The following ETFA variants were observed in gnomAD, a reference collection of about 807,000 sequenced individuals.
The protein encoded by ETFA is electron transfer flavoprotein subunit alpha.
Under a neutral mutation model 46.2 loss-of-function variants are expected in ETFA, and 22 were observed. The ratio of observed to expected loss-of-function variants is 0.48; its 90% confidence interval spans 0.34 to 0.68. The LOEUF (loss-of-function observed/expected upper bound fraction) is 0.68. ETFA is among the 30% of genes least tolerant of loss of function. ETFA has a pLI of 0.01. For synonymous variants in ETFA, 131 were observed against 139.9 expected, an observed-to-expected ratio of 0.94 and a Z score of 0.45; for missense variants, 345 against 401.1, an observed-to-expected ratio of 0.86 and a Z score of 1.19.
At chr15:76,298,581 C>G (rs1329285182) in intron 1 of ETFA, among the ~76,000 whole-genome samples, 2 of 152,164 alleles carry the variant, frequency 1.3e-5, no homozygotes, top group East Asian at 1.9e-4. Flanking sequence ...TAGTATTACT[C>G]TGACTTCACA....
At chr15:76,232,909 C>T (rs554768688) in intron 9 of ETFA, among the ~76,000 whole-genome samples, 1 of 152,286 alleles carries the variant, frequency 6.6e-6, no homozygotes, top group East Asian at 1.9e-4. Context: ...CTGCAGTACT[C>T]CCTGATCTTT....
At chr15:76,232,608 T>C (rs896097440) in intron 9 of ETFA, among the ~76,000 whole-genome samples, 5 of 152,206 alleles carry the variant, frequency 3.3e-5, no homozygotes, top group Admixed American at 2.0e-4. Context: ...CATTTAACAA[T>C]TGCTCAATCC....
intron 9 of ETFA, among the ~76,000 whole-genome samples, chr15:76,257,275 G>A (rs577250873): frequency 6.6e-6 from 1 of 152,318 alleles, no homozygotes; most frequent in East Asian, 1.9e-4. Flanking sequence ...TAGAGGGGAA[G>A]TTGGCACTAA....
chr15:76,224,621 C>T (rs758353729), intron 11 of ETFA, among the ~76,000 whole-genome samples: 1 of 152,244 alleles, frequency 6.6e-6, no homozygotes, highest in Non-Finnish European at 1.5e-5. Flanking sequence ...GGCCAGTCCT[C>T]TTGCTGAGGG....
intron 4 of ETFA, among the ~76,000 whole-genome samples, chr15:76,288,920 C>CTTCTTTT (rs1225461781): frequency 1.3e-4 from 14 of 110,120 alleles, no homozygotes; most frequent in Admixed American, 2.3e-4. Context: ...TCTTCTTCTT[C>CTTCTTTT]TTTTTTTTTT....
chr15:76,265,627 C>A (rs1347942042), intron 9 of ETFA, among the ~76,000 whole-genome samples: 3 of 152,110 alleles, frequency 2.0e-5, no homozygotes, highest in Non-Finnish European at 2.9e-5. Context: ...TTTTTCAAGT[C>A]CCTTGATTTT....
At position 76,242,222 on chromosome 15, in the gene ETFA, G is replaced by C. The variant is rs147651356; in HGVS notation, c.817-10824C>G. On this transcript the variant is annotated intron_variant, in intron 9 of 11. Coordinates refer to ENST00000557943, the MANE Select transcript of ETFA (RefSeq NM_000126.4). ...ATACATTTCTACGTAGAATTTTGGA[G>C]TTGTAAGGAACCTTTGAAATTATCT... Among the ~76,000 whole-genome samples the C allele has an allele frequency of 9.2e-5, 14 of 152,256 alleles. No homozygotes were observed. In the East Asian group the frequency reaches 1.9e-3, roughly 21 times the overall value.
chr15:76,260,981 A>T, intron 9 of ETFA: 1 of 1,610,130 alleles, frequency 6.2e-7, no homozygotes, highest in Non-Finnish European at 8.5e-7. Flanking sequence ...TCCAGGCCAC[A>T]CTAGTGTTGC....
intron 9 of ETFA, among the ~76,000 whole-genome samples, chr15:76,265,806 CAGG>C (rs1323074428): frequency 1.3e-5 from 2 of 152,074 alleles, no homozygotes; most frequent in East Asian, 1.9e-4. Context: ...GGATATTGCT[CAGG>C]AGAAGGACTA....
chr15:76,303,822 A>G (rs936773634), intron 1 of ETFA, among the ~76,000 whole-genome samples: 10 of 152,278 alleles, frequency 6.6e-5, no homozygotes, highest in African/African-American at 2.4e-4. Flanking sequence ...TTGCAGAGAA[A>G]AGGAACGCTT....
Position 76,260,320 on chromosome 15 carries a change from C to T in ETFA, c.816+14092G>A, listed in dbSNP as rs561656181. On this transcript the variant is annotated intron_variant, in intron 9 of 11. Coordinates refer to ENST00000557943, the MANE Select transcript of ETFA (RefSeq NM_000126.4). Reference sequence around the variant, plus strand: ...CCCCGGGAAATGACACTGTCAAAGCCTTGCCCAAACCACGTCTCTTTCGGT... The same window carrying T: ...CCCCGGGAAATGACACTGTCAAAGCTTTGCCCAAACCACGTCTCTTTCGGT... 2.2e-5 allele frequency: 29 copies of T among 1,304,068 alleles called. 1 individual carries two copies. In the South Asian group the frequency reaches 3.2e-4, roughly 14 times the overall value. The allele number at this position is 1,304,068 out of a possible 1,614,324, so 80.8% of individuals were successfully genotyped here.
chr15:76,275,462 C>G (rs2039581637), intron 8 of ETFA, among the ~76,000 whole-genome samples: 1 of 152,284 alleles, frequency 6.6e-6, no homozygotes, highest in Non-Finnish European at 1.5e-5. Flanking sequence ...TCTTTCTCCA[C>G]TCATTTACTT....
At chr15:76,262,643 C>T (rs1029119795) in intron 9 of ETFA, among the ~76,000 whole-genome samples, 8 of 151,762 alleles carry the variant, frequency 5.3e-5, no homozygotes, top group South Asian at 2.1e-4. Flanking sequence ...CCACCATGCC[C>T]GGCTAATTTT....
intron 9 of ETFA, among the ~76,000 whole-genome samples, chr15:76,272,289 C>T (rs1364565622): frequency 1.3e-5 from 2 of 150,224 alleles, no homozygotes; most frequent in Non-Finnish European, 3.0e-5. Context: ...GGCACAATCT[C>T]GGCTCACTGC....
intron 9 of ETFA, among the ~76,000 whole-genome samples, chr15:76,249,337 A>G (rs999424018): frequency 6.6e-6 from 1 of 151,710 alleles, no homozygotes; most frequent in Non-Finnish European, 1.5e-5. Context: ...CGTGTTGGTC[A>G]GGCTGCTCTT....
chr15:76,278,515 T>C (rs1228425265), intron 8 of ETFA, among the ~76,000 whole-genome samples: 2 of 152,186 alleles, frequency 1.3e-5, no homozygotes, highest in African/African-American at 4.8e-5. Flanking sequence ...TTTCCATAGC[T>C]CTTCTCCTGT....
chr15:76,230,710 A>G (rs2039058577), intron 10 of ETFA: 1 of 152,528 alleles, frequency 6.6e-6, no homozygotes. Context: ...CGGCCTCCCA[A>G]AGTGCTGGGA....
At chr15:76,225,988 T>C (rs2039000068) in intron 10 of ETFA, 59 bp from the exon 11 acceptor site, 6 of 924,820 alleles carry the variant, frequency 6.5e-6, no homozygotes, top group Non-Finnish European at 1.0e-5. Context: ...CACAGACTGA[T>C]AGTTCTATTT....
intron 11 of ETFA, among the ~76,000 whole-genome samples, chr15:76,221,486 A>T (rs1305095028): frequency 6.6e-6 from 1 of 152,226 alleles, no homozygotes; most frequent in Non-Finnish European, 1.5e-5. Flanking sequence ...TACGTGAATT[A>T]TATCTCAGTA....
Sources: gnomAD v4.1 joint callset for allele counts (sites outside exome capture counted in the v4.1 genomes callset) on GRCh38, gnomAD v4.1.1 for gene constraint, MANE v1.5 for transcripts, NCBI Gene and HGNC (gene_info 2026-07-23, HGNC 2026-07-21) for gene names.